Variants in AGBL1 observed in about 807,000 individuals in gnomAD.
AGBL1 encodes cytosolic carboxypeptidase 4.
In AGBL1, 130 loss-of-function variants were observed where a neutral mutation model predicts 118.9. That is an observed-to-expected ratio of 1.09 (90% CI 0.95 to 1.26). The LOEUF is 1.26. AGBL1 is among the 50% of genes most tolerant of loss of function. The probability of loss-of-function intolerance (pLI) is 0.00; values close to 1 mark genes in which losing one functional copy is unlikely to be tolerated. For synonymous variants in AGBL1, 555 were observed against 478.9 expected (o/e 1.16, Z -2.08); for missense variants, 1,584 against 1,298.1 (o/e 1.22, Z -3.38).
At chr15:86,526,187 T>C (rs977993343) in intron 19 of AGBL1, among the ~76,000 whole-genome samples, 1 of 152,054 alleles carries the variant, frequency 6.6e-6, no homozygotes, top group African/African-American at 2.4e-5. Flanking sequence ...CCAGTAAGAA[T>C]GGCCGTTTTT....
rs1015226720 is a variant in AGBL1 at position 86,911,895 on chromosome 15, A to G, written c.*4601A>G. The G allele has an allele frequency of 6.6e-6, 1 of 152,044 alleles. No individual in the cohort carries two copies. The highest frequency in any genetic ancestry group is 6.6e-5 in the Admixed American group (1 of 15,264). The allele number at this position is 152,044 out of a possible 1,614,324, so 9.4% of individuals were successfully genotyped here. A position where few individuals can be genotyped will look rare whatever the true frequency, so the allele number is the denominator to read the frequency against. On this transcript the variant is annotated 3_prime_UTR_variant, in exon 23 of 23. Coordinates refer to ENST00000614907, the MANE Select transcript of AGBL1 (RefSeq NM_001386094.1). ...TTATACTATGCTTATTTTTAACTTG[A>G]TAAATATGTCTTTTATACCCACACC...
chr15:86,378,900 G>GTT (rs113439108), intron 17 of AGBL1, among the ~76,000 whole-genome samples: 45 of 144,132 alleles, frequency 3.1e-4, no homozygotes, highest in South Asian at 4.4e-4. Flanking sequence ...GATCACTTTA[G>GTT]TTTTTTTTTT....
chr15:86,838,348 T>C (rs893573217), intron 22 of AGBL1, among the ~76,000 whole-genome samples: 2 of 152,226 alleles, frequency 1.3e-5, no homozygotes, highest in African/African-American at 4.8e-5. Flanking sequence ...TTGTATAATA[T>C]ACCCTTATTC....
intron 21 of AGBL1, among the ~76,000 whole-genome samples, chr15:86,654,336 ATT>A (rs934282340): frequency 2.6e-5 from 4 of 152,284 alleles, no homozygotes; most frequent in African/African-American, 9.6e-5. Flanking sequence ...ATAAAGACTT[ATT>A]TTGAGTGTAG....
At chr15:86,929,194 T>C (rs1176711576) in intron 23 of AGBL1, among the ~76,000 whole-genome samples, 1 of 152,158 alleles carries the variant, frequency 6.6e-6, no homozygotes, top group Non-Finnish European at 1.5e-5. Flanking sequence ...TCAGGTCAGG[T>C]CTTGAAACAT....
intron 17 of AGBL1, among the ~76,000 whole-genome samples, chr15:86,332,040 T>G (rs2080278451): frequency 6.6e-6 from 1 of 152,002 alleles, no homozygotes; most frequent in African/African-American, 2.4e-5. Flanking sequence ...ATCTCACACA[T>G]AATGACATCC....
intron 22 of AGBL1, among the ~76,000 whole-genome samples, chr15:86,859,457 G>A (rs1206130775): frequency 6.6e-6 from 1 of 152,188 alleles, no homozygotes; most frequent in Non-Finnish European, 1.5e-5. Flanking sequence ...GTGTGAAGTT[G>A]AGAGTGGCCT....
chr15:86,162,657 G>A (rs1210566338), intron 5 of AGBL1, among the ~76,000 whole-genome samples: 5 of 152,176 alleles, frequency 3.3e-5, no homozygotes, highest in African/African-American at 1.2e-4. Flanking sequence ...ATGCTAGTGG[G>A]AACAGTTATG....
chr15:86,113,267 TTCTTTCTTTTTC>T (rs1897537659), intron 1 of AGBL1, among the ~76,000 whole-genome samples: 1 of 124,328 alleles, frequency 8.0e-6, no homozygotes, highest in Non-Finnish European at 1.8e-5. Context: ...CTTTCTTTCT[TTCTTTCTTTTTC>T]TTTCTTTCTT....
intron 21 of AGBL1, among the ~76,000 whole-genome samples, chr15:86,622,604 A>G (rs2084828711): frequency 6.6e-6 from 1 of 152,106 alleles, no homozygotes; most frequent in Non-Finnish European, 1.5e-5. Flanking sequence ...TGGGAAGGTA[A>G]CATTTAAGGC....
Position 86,835,378 on chromosome 15 carries a change from G to C in AGBL1, c.3159-71709G>C, listed in dbSNP as rs539966606. The stretch of plus-strand genomic sequence containing the variant: ...AGATTAAGCAGTAATGGTTTGAATG[G>C]GGTGGTGTTTAACGGAGTCCTGAAC... On this transcript the variant is annotated intron_variant, in intron 22 of 22. Transcript: ENST00000614907. 7.9e-5 allele frequency among the ~76,000 whole-genome samples: 12 copies of C among 152,236 alleles called. No individual in the cohort carries two copies. In the South Asian group the frequency reaches 2.5e-3, roughly 32 times the overall value.
chr15:86,673,551 C>G (rs1210164733), intron 21 of AGBL1, among the ~76,000 whole-genome samples: 1 of 152,280 alleles, frequency 6.6e-6, no homozygotes, highest in Admixed American at 6.5e-5. Flanking sequence ...ATCTCCTTAT[C>G]TGTAGAATGG....
At chr15:86,550,118 A>C (rs2083644589) in intron 20 of AGBL1, among the ~76,000 whole-genome samples, 1 of 152,162 alleles carries the variant, frequency 6.6e-6, no homozygotes, top group African/African-American at 2.4e-5. Context: ...GATAGCATAA[A>C]GCATATCAAC....
At chr15:86,163,217 G>A (rs188748683) in intron 5 of AGBL1, among the ~76,000 whole-genome samples, 314 of 152,316 alleles carry the variant, frequency 2.1e-3, no homozygotes, top group African/African-American at 7.5e-3. Flanking sequence ...CGGGAGGACC[G>A]CTTGAGGCCA....
At chr15:86,609,561 G>T (rs1356403976) in intron 21 of AGBL1, among the ~76,000 whole-genome samples, 1 of 152,126 alleles carries the variant, frequency 6.6e-6, no homozygotes, top group Non-Finnish European at 1.5e-5. Context: ...TACCGTTTTA[G>T]TCGATCCAGG....
At chr15:86,086,771 G>A (rs745626723) in intron 1 of AGBL1, among the ~76,000 whole-genome samples, 3 of 152,136 alleles carry the variant, frequency 2.0e-5, no homozygotes, top group Non-Finnish European at 4.4e-5. Context: ...AACTTTGTGC[G>A]ATTCCTTCAT....
At chr15:86,335,854 G>T (rs1334016245) in intron 17 of AGBL1, among the ~76,000 whole-genome samples, 1 of 152,180 alleles carries the variant, frequency 6.6e-6, no homozygotes, top group East Asian at 1.9e-4. Context: ...CTCCTGGTTT[G>T]TCACTTACTA....
At chr15:86,855,101 G>C (rs1282902199) in intron 22 of AGBL1, among the ~76,000 whole-genome samples, 1 of 152,180 alleles carries the variant, frequency 6.6e-6, no homozygotes, top group East Asian at 1.9e-4. Context: ...TTGTGATGCT[G>C]TTGTTACTGC....
At chr15:86,969,712 G>A (rs2081088728) in intron 23 of AGBL1, among the ~76,000 whole-genome samples, 1 of 151,966 alleles carries the variant, frequency 6.6e-6, no homozygotes, top group Admixed American at 6.6e-5. Flanking sequence ...TTTGTTGGTT[G>A]AATTTGCATA....
Sources: allele counts gnomAD v4.1 joint callset (sites outside exome capture counted in the v4.1 genomes callset), GRCh38; gene constraint gnomAD v4.1.1; transcripts MANE v1.5; gene names NCBI Gene and HGNC (gene_info 2026-07-23, HGNC 2026-07-21).